The following EIF1AX variants were observed in gnomAD, a reference collection of about 807,000 sequenced individuals.
EIF1AX encodes the protein eukaryotic translation initiation factor 1A X-linked, also known as eukaryotic translation initiation factor 1A, X-chromosomal.
Under a neutral mutation model 16.1 loss-of-function variants are expected in EIF1AX, and 1 was observed. The observed-to-expected ratio is 0.06, with a 90% CI of 0.02 to 0.30. The LOEUF (loss-of-function observed/expected upper bound fraction) is 0.30. EIF1AX is among the 10% of genes least tolerant of loss of function. The probability of loss-of-function intolerance (pLI) is 1.00; values close to 1 mark genes in which losing one functional copy is unlikely to be tolerated. For synonymous variants in EIF1AX, 32 were observed against 37.3 expected (o/e 0.86, Z 0.51); for missense variants, 11 against 109.1 (o/e 0.10, Z 4.00).
intron 6 of EIF1AX, among the ~76,000 whole-genome samples, chrX:20,129,524 T>A (rs1006233778): frequency 8.9e-6 from 1 of 112,682 alleles, no homozygotes; most frequent in Non-Finnish European, 1.9e-5. Flanking sequence ...CCCTAATCAC[T>A]AAATAAATTT....
At chrX:20,130,364 G>T in intron 6 of EIF1AX, 152 bp downstream of exon 6, 3 of 200,161 alleles carry the variant, frequency 1.5e-5, no homozygotes, top group Non-Finnish European at 2.6e-5. Flanking sequence ...TTGACCAGGT[G>T]TCTTCTAAAT....
chrX:20,130,738 ACTG>A, intron 5 of EIF1AX, 131 bp from the exon 6 acceptor site: 1 of 594,141 alleles, frequency 1.7e-6, no homozygotes, highest in Non-Finnish European at 2.4e-6. Flanking sequence ...CTGCAGTGTC[ACTG>A]CTAAGTCAAG....
intron 1 of EIF1AX, among the ~76,000 whole-genome samples, chrX:20,139,121 C>T (rs957664668): frequency 1.8e-5 from 2 of 111,506 alleles, no homozygotes; most frequent in African/African-American, 3.3e-5. Flanking sequence ...CAGTGGTGTG[C>T]GCCTAGGGTC....
chrX:20,128,908 T>C (rs910976150), intron 6 of EIF1AX, among the ~76,000 whole-genome samples: 6 of 110,521 alleles, frequency 5.4e-5, no homozygotes, highest in Non-Finnish European at 1.1e-4. Flanking sequence ...TTCATATCCA[T>C]GCATGTTCTC....
chrX:20,129,139 T>C (rs2066993794), intron 6 of EIF1AX, among the ~76,000 whole-genome samples: 1 of 111,735 alleles, frequency 8.9e-6, no homozygotes, highest in Non-Finnish European at 1.9e-5. Flanking sequence ...CAGAACAACA[T>C]GTTTATTTCT....
intron 6 of EIF1AX, among the ~76,000 whole-genome samples, chrX:20,129,855 A>G (rs1314002289): frequency 8.9e-6 from 1 of 112,593 alleles, no homozygotes; most frequent in Non-Finnish European, 1.9e-5. Flanking sequence ...TTCCTTTGAT[A>G]AGATCTATTT....
chrX:20,134,081 T>G, intron 3 of EIF1AX, 74 bp from the exon 4 acceptor site: 3 of 1,061,317 alleles, frequency 2.8e-6, no homozygotes, highest in Non-Finnish European at 3.9e-6. Context: ...AACAATCAAT[T>G]AGTTTAGAAA....
At chrX:20,138,305 A>G (rs1209168565) in intron 2 of EIF1AX, among the ~76,000 whole-genome samples, 1 of 109,856 alleles carries the variant, frequency 9.1e-6, no homozygotes, top group Non-Finnish European at 1.9e-5. Context: ...GCCCAGCCTA[A>G]AAAAATTTTT....
chrX:20,138,217 C>A (rs1487062377), intron 2 of EIF1AX, among the ~76,000 whole-genome samples: 1 of 108,861 alleles, frequency 9.2e-6, no homozygotes, highest in Non-Finnish European at 1.9e-5. Flanking sequence ...GTTGGTCAGG[C>A]TGGTCTCGAA....
chrX:20,140,857 T>G (rs995129607), intron 1 of EIF1AX, among the ~76,000 whole-genome samples: 2 of 111,044 alleles, frequency 1.8e-5, no homozygotes, highest in Admixed American at 9.6e-5. Context: ...TTTTTGTTTT[T>G]TTTTTTTTAA....
In EIF1AX at chrX:20,141,686, G is replaced by A; in HGVS notation, c.-46C>T. The A allele has an allele frequency of 1.8e-6, 2 of 1,124,981 alleles. No individual in the cohort carries two copies. The highest frequency in any genetic ancestry group is 2.4e-6 in the Non-Finnish European group (2 of 843,582). The allele number at this position is 1,124,981 out of a possible 1,213,427, so 92.7% of individuals were successfully genotyped here. On this transcript the variant is annotated 5_prime_UTR_variant, in exon 1 of 7. Transcript: ENST00000379607. ...GGCGTCTCTGACTTCTTTCCGGGTA[G>A]CGGCGACCGCGGCGGCTGCTGCTCC...
intron 1 of EIF1AX, chrX:20,139,967 C>A (rs1187244074): frequency 8.9e-6 from 1 of 112,605 alleles, no homozygotes. Context: ...CCAGAATTAA[C>A]CATACCCGGA....
chrX:20,139,158 AG>A (rs2067026545), intron 1 of EIF1AX, among the ~76,000 whole-genome samples: 2 of 111,781 alleles, frequency 1.8e-5, no homozygotes, highest in Non-Finnish European at 3.8e-5. Context: ...CTCAGGTGGG[AG>A]GATCACTTGA....
chrX:20,136,047 T>C (rs1428433235), intron 2 of EIF1AX: 4 of 371,802 alleles, frequency 1.1e-5, no homozygotes, highest in Middle Eastern at 5.8e-4. Flanking sequence ...ATGACATTTC[T>C]TTCTTTCTTT....
intron 1 of EIF1AX, 129 bp from the exon 2 acceptor site, chrX:20,138,751 T>A (rs1386984191): frequency 8.9e-6 from 4 of 448,390 alleles, no homozygotes; most frequent in East Asian, 8.1e-5. Flanking sequence ...AATTCATCTA[T>A]TTTAGCTACA....
chrX:20,140,052 C>G (rs1422580690), intron 1 of EIF1AX: 1 of 112,358 alleles, frequency 8.9e-6, no homozygotes, highest in African/African-American at 3.2e-5. Flanking sequence ...GAGACTAGGT[C>G]TGAGTGTACA....
At chrX:20,136,091 T>A in intron 2 of EIF1AX, 1 of 327,220 alleles carries the variant, frequency 3.1e-6, no homozygotes, top group South Asian at 4.3e-5. Context: ...TGTAGAAAAC[T>A]TCATAGTTAC....
At position 20,125,906 on chromosome X, in the gene EIF1AX, C is replaced by T. The variant is rs2066983763; in HGVS notation, c.*2400G>A. 1 of 148,365 alleles carries T rather than the reference C, an allele frequency of 6.7e-6. No homozygotes were observed. The highest frequency in any genetic ancestry group is 1.3e-5 in the Non-Finnish European group (1 of 76,567). 12.2% of individuals were successfully genotyped at this position (148,365 alleles called of 1,213,427 possible). ...TTACAGGCTTGGTAAGAAGCGGTCT[C>T]TTTAGGGGCCAGATGCTTAAGAAAT... On this transcript the variant is annotated 3_prime_UTR_variant, in exon 7 of 7. Transcript: ENST00000379607.
intron 6 of EIF1AX, among the ~76,000 whole-genome samples, 157 bp downstream of exon 6, chrX:20,130,359 C>T (rs1337191521): frequency 9.7e-6 from 1 of 102,680 alleles, no homozygotes; most frequent in Non-Finnish European, 2.0e-5. Flanking sequence ...ACAGTTTGAC[C>T]AGGTGTCTTC....
Sources: allele counts gnomAD v4.1 joint callset (sites outside exome capture counted in the v4.1 genomes callset), GRCh38; gene constraint gnomAD v4.1.1; transcripts MANE v1.5; gene names NCBI Gene and HGNC (gene_info 2026-07-23, HGNC 2026-07-21).